TAMM41: variants seen among roughly 807,000 people sequenced by gnomAD.
TAMM41 encodes TAM41 mitochondrial translocator assembly and maintenance homolog, also known as phosphatidate cytidylyltransferase, mitochondrial.
A neutral mutation model predicts 44.1 loss-of-function variants in TAMM41; 36 were observed. The ratio of observed to expected loss-of-function variants is 0.82; its 90% CI spans 0.63 to 1.08. The LOEUF (loss-of-function observed/expected upper bound fraction) is 1.08. Ranked by LOEUF, TAMM41 falls within the 50% of genes least tolerant of loss-of-function variation. The pLI, the probability that TAMM41 is intolerant of heterozygous loss-of-function variation, is 0.00. For synonymous variants in TAMM41, 164 were observed against 153.1 expected (o/e 1.07, Z -0.53); for missense variants, 417 against 404.3 (o/e 1.03, Z -0.27).
At chr3:11,786,889 T>C (rs1168017109), downstream of TAMM41, among the ~76,000 whole-genome samples, 2 of 152,228 alleles carry the variant, frequency 1.3e-5, no homozygotes, top group Admixed American at 1.3e-4. Flanking sequence ...CCACCACGCC[T>C]GGACAACTCA....
intron 7 of TAMM41, among the ~76,000 whole-genome samples, chr3:11,795,057 T>TTC: frequency 6.6e-6 from 1 of 152,186 alleles, no homozygotes; most frequent in African/African-American, 2.4e-5. Context: ...ATGCTTCAGT[T>TTC]TTAAGAAATC....
chr3:11,839,312 A>T lies in TAMM41; in HGVS notation c.321T>A (p.Leu107=), dbSNP rs1203801976. The T allele has an allele frequency of 6.2e-7, 1 of 1,601,756 alleles. No homozygotes were observed. Among genetic ancestry groups the T allele is most frequent in the African/African-American group, 1.3e-5 (1 of 74,562 alleles). ...TAGTGCTAATAACTCCATATTTGAT[A>T]AGCTGAAGGAAAAAAGAAATGGCAC... ...YNSLIMCNGR[L]IKYGVISTNV... Residue 107 remains leucine (L), a splice_region_variant and synonymous_variant, in exon 3 of 8, where the codon CTT becomes CTA. Transcript: ENST00000455809.
At chr3:11,752,199 G>A in the TAMM41 span, among the ~76,000 whole-genome samples, 4 of 152,168 alleles carry the variant, frequency 2.6e-5, no homozygotes, top group African/African-American at 7.2e-5. Context: ...CAGTGGGTTC[G>A]TGGTCTTGCT....
chr3:11,755,220 C>A, the TAMM41 span, among the ~76,000 whole-genome samples: 1 of 150,836 alleles, frequency 6.6e-6, no homozygotes, highest in Non-Finnish European at 1.5e-5. Flanking sequence ...CTCGGCCTAA[C>A]ACACACAGGC....
the TAMM41 span, among the ~76,000 whole-genome samples, chr3:11,776,620 G>A: frequency 7.9e-5 from 12 of 152,128 alleles, no homozygotes; most frequent in Non-Finnish European, 1.6e-4. Context: ...AGCCATCTAG[G>A]TTTCTGTAAG....
chr3:11,754,321 C>T, the TAMM41 span, among the ~76,000 whole-genome samples: 1 of 152,114 alleles, frequency 6.6e-6, no homozygotes, highest in African/African-American at 2.4e-5. Context: ...TATGACTTCC[C>T]CCACTCCTCA....
chr3:11,761,675 G>A, the TAMM41 span, among the ~76,000 whole-genome samples: 62 of 152,154 alleles, frequency 4.1e-4, no homozygotes, highest in African/African-American at 1.2e-3. Context: ...TTCCGGGCGC[G>A]GTGGCTCACA....
the TAMM41 span, among the ~76,000 whole-genome samples, chr3:11,778,573 C>T: frequency 4.6e-5 from 7 of 152,212 alleles, no homozygotes; most frequent in Non-Finnish European, 8.8e-5. Flanking sequence ...GAGGGCTCCA[C>T]TGTCTTCATG....
chr3:11,777,787 C>A, the TAMM41 span, among the ~76,000 whole-genome samples: 1 of 152,144 alleles, frequency 6.6e-6, no homozygotes, highest in African/African-American at 2.4e-5. Context: ...GAACGAGATT[C>A]CATCTCAAAA....
chr3:11,740,903 C>T, the TAMM41 span, among the ~76,000 whole-genome samples: 2 of 146,412 alleles, frequency 1.4e-5, no homozygotes, highest in Non-Finnish European at 3.0e-5. Context: ...TCATTTCTTA[C>T]AGTTTTGGAG....
the TAMM41 span, among the ~76,000 whole-genome samples, chr3:11,749,520 T>C: frequency 1.3e-5 from 2 of 152,336 alleles, no homozygotes; most frequent in South Asian, 4.1e-4. Context: ...CATTGTTTAG[T>C]ACTAGAGTTG....
intron 4 of TAMM41, among the ~76,000 whole-genome samples, chr3:11,820,363 G>C (rs927137708): frequency 6.6e-6 from 1 of 152,072 alleles, no homozygotes; most frequent in Non-Finnish European, 1.5e-5. Flanking sequence ...CACTTTCTGA[G>C]AGAAGGATTT....
At chr3:11,808,641 A>G in intron 6 of TAMM41, 1 of 983,680 alleles carries the variant, frequency 1.0e-6, no homozygotes, top group Non-Finnish European at 1.2e-6. Flanking sequence ...TCAATTTCAT[A>G]AATATTTCTT....
At chr3:11,802,927 TAAACA>T (rs1238996684) in intron 7 of TAMM41, among the ~76,000 whole-genome samples, 1 of 152,172 alleles carries the variant, frequency 6.6e-6, no homozygotes, top group Admixed American at 6.5e-5. Flanking sequence ...ATACATCACA[TAAACA>T]GAATTAAGGA....
the TAMM41 span, among the ~76,000 whole-genome samples, chr3:11,777,748 C>G: frequency 8.3e-4 from 126 of 152,254 alleles, no homozygotes; most frequent in African/African-American, 2.9e-3. Context: ...GAGCCAAGAT[C>G]CTGCCACTGC....
the TAMM41 span, among the ~76,000 whole-genome samples, chr3:11,726,800 C>CA: frequency 0.016 from 1,514 of 92,616 alleles, 14 homozygotes; most frequent in East Asian, 0.03. Context: ...GACTCTGTCT[C>CA]AAAAAAAAAA....
chr3:11,794,243 C>T (rs754083078), intron 7 of TAMM41, among the ~76,000 whole-genome samples: 7 of 151,758 alleles, frequency 4.6e-5, no homozygotes, highest in Non-Finnish European at 1.0e-4. Flanking sequence ...CTCAAGAGAT[C>T]CTCTCTCCTC....
chr3:11,791,315 ACCC>A (rs1158368689), intron 7 of TAMM41, among the ~76,000 whole-genome samples: 1 of 152,042 alleles, frequency 6.6e-6, no homozygotes, highest in Non-Finnish European at 1.5e-5. Context: ...GCCCCCTAGC[ACCC>A]CCATCTACTT....
At chr3:11,844,385 T>G (rs2079580816) in intron 1 of TAMM41, among the ~76,000 whole-genome samples, 174 bp from the exon 2 acceptor site, 1 of 152,256 alleles carries the variant, frequency 6.6e-6, no homozygotes, top group Admixed American at 6.5e-5. Context: ...TTTTCATCAA[T>G]GTAATAATAG....
Sources: allele counts gnomAD v4.1 joint callset (sites outside exome capture counted in the v4.1 genomes callset), GRCh38; gene constraint gnomAD v4.1.1; transcripts MANE v1.5; gene names NCBI Gene and HGNC (gene_info 2026-07-23, HGNC 2026-07-21).